The following NPAS3 variants were observed in gnomAD, a reference collection of about 807,000 sequenced individuals.
NPAS3 encodes the protein neuronal PAS domain protein 3.
A neutral mutation model predicts 73.1 loss-of-function variants in NPAS3; 14 were observed. The ratio of observed to expected loss-of-function variants is 0.19; its 90% confidence interval spans 0.13 to 0.30. NPAS3 has a LOEUF of 0.30. NPAS3 is among the 10% of genes least tolerant of loss of function. NPAS3 has a pLI of 1.00. For synonymous variants in NPAS3, 620 were observed against 541.5 expected, an observed-to-expected ratio of 1.14 and a Z score of -2.01; for missense variants, 1,096 against 1,250.0, an observed-to-expected ratio of 0.88 and a Z score of 1.86.
intron 3 of NPAS3, among the ~76,000 whole-genome samples, chr14:33,360,843 C>G (rs2045565303): frequency 6.6e-6 from 1 of 152,194 alleles, no homozygotes; most frequent in Non-Finnish European, 1.5e-5. Context: ...ACCCTACTCT[C>G]CACGCCTCGG....
intron 3 of NPAS3, among the ~76,000 whole-genome samples, chr14:33,338,791 G>T (rs998404003): frequency 3.9e-5 from 6 of 151,948 alleles, no homozygotes; most frequent in Non-Finnish European, 8.8e-5. Flanking sequence ...TTTTATTAGG[G>T]AATTGAAAAA....
intron 4 of NPAS3, among the ~76,000 whole-genome samples, chr14:33,370,955 A>G (rs1393982578): frequency 2.6e-5 from 4 of 152,144 alleles, no homozygotes; most frequent in Non-Finnish European, 4.4e-5. Flanking sequence ...CTGCAGAGCA[A>G]TTCTCAGGCT....
At chr14:33,600,960 G>A (rs958162215) in intron 5 of NPAS3, among the ~76,000 whole-genome samples, 1 of 152,126 alleles carries the variant, frequency 6.6e-6, no homozygotes, top group African/African-American at 2.4e-5. Flanking sequence ...CTGCATTCTG[G>A]GGTAAGCAGA....
chr14:33,107,691 A>T (rs936854325), intron 2 of NPAS3, among the ~76,000 whole-genome samples: 2 of 152,128 alleles, frequency 1.3e-5, no homozygotes, highest in Admixed American at 1.3e-4. Flanking sequence ...ATGTCTTTAA[A>T]TATGTGCTGC....
intron 6 of NPAS3, among the ~76,000 whole-genome samples, chr14:33,707,991 T>C (rs142382763): frequency 1.3e-5 from 2 of 152,190 alleles, no homozygotes; most frequent in Non-Finnish European, 2.9e-5. Flanking sequence ...AAAGCCACAG[T>C]AGAAATTACA....
chr14:33,440,550 A>G (rs1293791444), intron 4 of NPAS3, among the ~76,000 whole-genome samples: 2 of 152,222 alleles, frequency 1.3e-5, no homozygotes, highest in Non-Finnish European at 2.9e-5. Context: ...ATCATTACAG[A>G]AAAGTTTGAA....
At chr14:33,689,136 T>C (rs1325246635) in intron 6 of NPAS3, among the ~76,000 whole-genome samples, 4 of 152,320 alleles carry the variant, frequency 2.6e-5, no homozygotes, top group South Asian at 4.2e-4. Flanking sequence ...CCACGTTGTG[T>C]TCACCTCCTG....
At chr14:33,099,570 G>A (rs907973195) in intron 2 of NPAS3, among the ~76,000 whole-genome samples, 2 of 152,132 alleles carry the variant, frequency 1.3e-5, no homozygotes, top group Non-Finnish European at 2.9e-5. Context: ...CTTCTCTAAA[G>A]GGAATTACTC....
intron 4 of NPAS3, among the ~76,000 whole-genome samples, chr14:33,548,160 A>G (rs8005157): frequency 0.61 from 92,237 of 152,092 alleles, 28,131 homozygotes; most frequent in Admixed American, 0.66. Context: ...AGACTAAGTA[A>G]GAGGTGACAG....
intron 3 of NPAS3, among the ~76,000 whole-genome samples, chr14:33,218,983 T>C (rs940444598): frequency 6.6e-6 from 1 of 152,344 alleles, no homozygotes; most frequent in South Asian, 2.1e-4. Context: ...ATGGAAATGA[T>C]AGGTTAAGCA....
At chr14:33,556,670 A>G (rs4982093) in intron 4 of NPAS3, among the ~76,000 whole-genome samples, 52,255 of 152,104 alleles carry the variant, frequency 0.34, 10,288 homozygotes, top group East Asian at 0.57. Context: ...TAATAATTGT[A>G]TGGGAGTGAA....
At chr14:33,045,762 T>C (rs2040486931) in intron 1 of NPAS3, among the ~76,000 whole-genome samples, 1 of 152,210 alleles carries the variant, frequency 6.6e-6, no homozygotes, top group South Asian at 2.1e-4. Flanking sequence ...GATCCTCTGA[T>C]TAGTTCTTAA....
chr14:33,167,830 T>C (rs182297373), intron 2 of NPAS3, among the ~76,000 whole-genome samples: 11 of 152,300 alleles, frequency 7.2e-5, no homozygotes, highest in Admixed American at 1.3e-4. Flanking sequence ...AAGTTTACGA[T>C]GATATTTGCA....
chr14:33,258,321 G>T (rs773129748), intron 3 of NPAS3, among the ~76,000 whole-genome samples: 3 of 152,140 alleles, frequency 2.0e-5, no homozygotes, highest in Non-Finnish European at 2.9e-5. Flanking sequence ...CAGATTGCTT[G>T]AACCTGGGCG....
intron 5 of NPAS3, among the ~76,000 whole-genome samples, chr14:33,590,533 G>A (rs150618391): frequency 6.6e-6 from 1 of 152,264 alleles, no homozygotes; most frequent in East Asian, 1.9e-4. Context: ...CCAAACCCAT[G>A]TGTTTTGCTC....
chr14:32,944,657 T>C (rs2036178679), intron 1 of NPAS3, among the ~76,000 whole-genome samples: 1 of 152,240 alleles, frequency 6.6e-6, no homozygotes, highest in East Asian at 1.9e-4. Context: ...ATGTTTGCAC[T>C]ATTAAGTTTG....
At chr14:33,161,216 T>G (rs919183139) in intron 2 of NPAS3, among the ~76,000 whole-genome samples, 1 of 152,226 alleles carries the variant, frequency 6.6e-6, no homozygotes, top group African/African-American at 2.4e-5. Context: ...AGTTTCCTGA[T>G]GGTATTAGAA....
chr14:33,509,237 A>G (rs1039679798), intron 4 of NPAS3, among the ~76,000 whole-genome samples: 1 of 151,862 alleles, frequency 6.6e-6, no homozygotes. Context: ...TTTTTATTCA[A>G]CTTGTTACAT....
chr14:32,935,063 C>A, upstream of NPAS3: 1 of 1,040,426 alleles, frequency 9.6e-7, no homozygotes, highest in Non-Finnish European at 1.2e-6. Context: ...GGGTGGGACT[C>A]ACTTTGCCTC....
Sources: allele counts gnomAD v4.1 joint callset (sites outside exome capture counted in the v4.1 genomes callset), GRCh38; gene constraint gnomAD v4.1.1; transcripts MANE v1.5; gene names NCBI Gene and HGNC (gene_info 2026-07-23, HGNC 2026-07-21).